The following CNTNAP2 variants were observed in gnomAD, a reference collection of about 807,000 sequenced individuals.
CNTNAP2 encodes contactin associated protein 2, also known as contactin-associated protein-like 2.
Under a neutral mutation model 155.2 loss-of-function variants are expected in CNTNAP2, and 98 were observed. The observed-to-expected ratio is 0.63, with a 90% CI of 0.54 to 0.75. The LOEUF is 0.75. Among genes scored for constraint, CNTNAP2 ranks in the 30% least tolerant of loss-of-function variants. The probability of loss-of-function intolerance (pLI) is 0.00; values close to 1 mark genes in which losing one functional copy is unlikely to be tolerated. For synonymous variants in CNTNAP2, 651 were observed against 631.2 expected, an observed-to-expected ratio of 1.03 and a Z score of -0.47; for missense variants, 1,727 against 1,688.1, an observed-to-expected ratio of 1.02 and a Z score of -0.40.
intron 1 of CNTNAP2, among the ~76,000 whole-genome samples, chr7:146,687,831 T>C (rs1355105028): frequency 6.6e-6 from 1 of 152,176 alleles, no homozygotes; most frequent in Non-Finnish European, 1.5e-5. Flanking sequence ...CTGTTGTTTA[T>C]AGGATAAGCC....
intron 13 of CNTNAP2, among the ~76,000 whole-genome samples, chr7:147,707,176 G>A (rs934955632): frequency 1.3e-5 from 2 of 152,098 alleles, no homozygotes; most frequent in Admixed American, 6.5e-5. Context: ...TTCTTTGAAA[G>A]TATCCTTGTT....
chr7:147,455,946 G>T (rs1797910791), intron 10 of CNTNAP2, among the ~76,000 whole-genome samples: 1 of 152,066 alleles, frequency 6.6e-6, no homozygotes. Context: ...CAGAGATGTT[G>T]AAAAGGCATC....
intron 1 of CNTNAP2, among the ~76,000 whole-genome samples, chr7:146,437,047 A>G (rs924187748): frequency 6.6e-6 from 1 of 151,462 alleles, no homozygotes; most frequent in African/African-American, 2.5e-5. Flanking sequence ...GCAGGAGGTG[A>G]GCGGTGGCAA....
intron 1 of CNTNAP2, among the ~76,000 whole-genome samples, chr7:146,250,903 G>C (rs187285805): frequency 1.0e-3 from 154 of 152,290 alleles, no homozygotes; most frequent in Non-Finnish European, 2.0e-3. Flanking sequence ...CATGCATACT[G>C]TCTTTCAATA....
chr7:146,863,959 A>G lies in CNTNAP2; in HGVS notation c.402+24055A>G, dbSNP rs115774108. Reference sequence around the variant, plus strand: ...CTTTTCTGCCCTCTTTGCTATTGATAGAGGTTGTTGTTAAAGGTATAGTTG... The same window carrying G: ...CTTTTCTGCCCTCTTTGCTATTGATGGAGGTTGTTGTTAAAGGTATAGTTG... On this transcript the variant is annotated intron_variant, in intron 3 of 23. Transcript: ENST00000361727. 8.4e-3 allele frequency among the ~76,000 whole-genome samples: 1,275 copies of G among 152,200 alleles called. 16 individuals are homozygous for G. Among genetic ancestry groups the G allele is most frequent in the African/African-American group, 0.027 (1,132 of 41,554 alleles).
intron 8 of CNTNAP2, among the ~76,000 whole-genome samples, chr7:147,252,487 TAGTA>T (rs936862595): frequency 2.6e-5 from 4 of 152,354 alleles, no homozygotes; most frequent in African/African-American, 9.6e-5. Context: ...TGTTCACTTT[TAGTA>T]AGTAATTTTA....
chr7:148,306,481 T>C (rs1797494411), intron 21 of CNTNAP2, among the ~76,000 whole-genome samples: 1 of 152,216 alleles, frequency 6.6e-6, no homozygotes, highest in Non-Finnish European at 1.5e-5. Context: ...TTTTCTTTCA[T>C]TTGTTCAATT....
At chr7:146,733,685 G>A (rs1240002934) in intron 1 of CNTNAP2, among the ~76,000 whole-genome samples, 1 of 152,058 alleles carries the variant, frequency 6.6e-6, no homozygotes, top group Non-Finnish European at 1.5e-5. Flanking sequence ...TGCAGTCATG[G>A]AGGAAGAGCC....
At chr7:147,267,022 T>G (rs1804627065) in intron 8 of CNTNAP2, among the ~76,000 whole-genome samples, 1 of 152,232 alleles carries the variant, frequency 6.6e-6, no homozygotes, top group African/African-American at 2.4e-5. Flanking sequence ...CAAACCCATC[T>G]ACACTCAAGC....
intron 12 of CNTNAP2, among the ~76,000 whole-genome samples, chr7:147,571,620 G>A (rs767580639): frequency 3.9e-5 from 6 of 152,020 alleles, no homozygotes; most frequent in Admixed American, 6.6e-5. Flanking sequence ...AACAATGATC[G>A]TAGTGTCTCA....
intron 15 of CNTNAP2, among the ~76,000 whole-genome samples, chr7:148,068,228 T>C (rs964460238): frequency 2.0e-5 from 3 of 152,130 alleles, no homozygotes; most frequent in Non-Finnish European, 2.9e-5. Flanking sequence ...TATTACAAAG[T>C]TCAGCTAGAA....
chr7:147,919,459 C>CTTTTTTTTTTTTTTTTTTTT (rs796710849), intron 14 of CNTNAP2, among the ~76,000 whole-genome samples: 5 of 51,212 alleles, frequency 9.8e-5, no homozygotes, highest in Admixed American at 3.0e-4. Context: ...CTTTTTCTTT[C>CTTTTTTTTTTTTTTTTTTTT]TTTTTTTTTT....
intron 13 of CNTNAP2, among the ~76,000 whole-genome samples, chr7:147,671,302 G>A (rs1795783254): frequency 1.3e-5 from 2 of 152,220 alleles, no homozygotes; most frequent in African/African-American, 4.8e-5. Flanking sequence ...TCCATATGGA[G>A]CTAGTGCTTT....
chr7:147,118,715 T>A (rs1801039835), intron 5 of CNTNAP2, among the ~76,000 whole-genome samples: 1 of 152,162 alleles, frequency 6.6e-6, no homozygotes, highest in Non-Finnish European at 1.5e-5. Flanking sequence ...TTTAGGCAAC[T>A]GTGTAAAAAA....
At chr7:148,323,747 G>A (rs1797840683) in intron 21 of CNTNAP2, among the ~76,000 whole-genome samples, 1 of 152,088 alleles carries the variant, frequency 6.6e-6, no homozygotes, top group Admixed American at 6.6e-5. Context: ...AGAAATTAGA[G>A]GACAGTAAAA....
intron 10 of CNTNAP2, among the ~76,000 whole-genome samples, chr7:147,444,894 T>A (rs959585787): frequency 1.3e-5 from 2 of 152,136 alleles, no homozygotes; most frequent in Non-Finnish European, 2.9e-5. Context: ...ACAGGAAGCA[T>A]AGCTGGGAGG....
At chr7:146,925,722 T>C (rs940212912) in intron 3 of CNTNAP2, among the ~76,000 whole-genome samples, 3 of 152,124 alleles carry the variant, frequency 2.0e-5, no homozygotes, top group African/African-American at 7.2e-5. Flanking sequence ...TCTATTAAAT[T>C]CCAGATCCTG....
At chr7:147,262,063 G>C (rs1804483317) in intron 8 of CNTNAP2, among the ~76,000 whole-genome samples, 1 of 152,196 alleles carries the variant, frequency 6.6e-6, no homozygotes, top group South Asian at 2.1e-4. Context: ...GCAAGCAAAA[G>C]TTACAAAGAA....
intron 1 of CNTNAP2, among the ~76,000 whole-genome samples, chr7:146,267,747 G>T (rs567897508): frequency 9.8e-5 from 15 of 152,308 alleles, no homozygotes; most frequent in Middle Eastern, 3.4e-3. Context: ...CATTCCCGTG[G>T]TTTGCAAGGC....
Sources: gnomAD v4.1 joint callset for allele counts (sites outside exome capture counted in the v4.1 genomes callset) on GRCh38, gnomAD v4.1.1 for gene constraint, MANE v1.5 for transcripts, NCBI Gene and HGNC (gene_info 2026-07-23, HGNC 2026-07-21) for gene names.